Variants in ZWILCH observed in about 807,000 individuals in gnomAD.
ZWILCH encodes zwilch kinetochore protein, also known as protein zwilch homolog.
In ZWILCH, 74 loss-of-function variants were observed where a neutral mutation model predicts 79.9. That is an observed-to-expected ratio of 0.93 (90% CI 0.77 to 1.12). ZWILCH has a LOEUF of 1.12. Ranked by LOEUF, ZWILCH falls within the 50% of genes most tolerant of loss-of-function variation. ZWILCH has a pLI of 0.00. For missense variants in ZWILCH, 694 were observed against 687.5 expected, an observed-to-expected ratio of 1.01 and a Z score of -0.11; for synonymous variants, 241 against 228.2, an observed-to-expected ratio of 1.06 and a Z score of -0.51.
chr15:66,519,196 A>G, intron 5 of ZWILCH, 118 bp downstream of exon 5: 1 of 936,216 alleles, frequency 1.1e-6, no homozygotes, highest in Admixed American at 2.2e-5. Context: ...TAGAACTTGC[A>G]TTAATCACCA....
At chr15:66,541,803 T>A (rs11854004) in intron 17 of ZWILCH, among the ~76,000 whole-genome samples, 10,534 of 152,302 alleles carry the variant, frequency 0.069, 426 homozygotes, top group Middle Eastern at 0.11. Context: ...GTTTTCAGAC[T>A]GAATCTATTA....
intron 1 of ZWILCH, 63 bp downstream of exon 1, chr15:66,505,454 G>C: frequency 6.3e-7 from 1 of 1,592,076 alleles, no homozygotes; most frequent in Non-Finnish European, 8.6e-7. Context: ...TGGGTGTCTG[G>C]ATCCCCGCCC....
At chr15:66,505,544 C>A in intron 1 of ZWILCH, 153 bp downstream of exon 1, 1 of 834,898 alleles carries the variant, frequency 1.2e-6, no homozygotes, top group Non-Finnish European at 1.9e-6. Context: ...CGGTTCTCGG[C>A]TCCGGTGTGG....
rs1895376689 is a variant in ZWILCH, at chr15:66,546,573, C to G, written c.1688-18C>G. ...AGGGTGTTAAGCAATTCTGATCTCA[C>G]TCTCTTTTTGATTACAGATTTTTCG... On this transcript the variant is annotated intron_variant, in intron 17 of 18. Coordinates refer to ENST00000307897, the MANE Select transcript of ZWILCH (RefSeq NM_017975.5). The G allele has an allele frequency of 6.3e-7, 1 of 1,580,482 alleles. No individual in the cohort carries two copies.
chr15:66,545,005 G>T (rs1031030596), intron 17 of ZWILCH, among the ~76,000 whole-genome samples: 2 of 151,752 alleles, frequency 1.3e-5, no homozygotes, highest in Non-Finnish European at 2.9e-5. Flanking sequence ...GCCTCCCAAA[G>T]TGCTGGGATT....
intron 14 of ZWILCH, among the ~76,000 whole-genome samples, chr15:66,534,040 A>C (rs1894936402): frequency 6.6e-6 from 1 of 152,180 alleles, no homozygotes; most frequent in South Asian, 2.1e-4. Flanking sequence ...GGGGAAGTTG[A>C]AGCTGCAGTG....
chr15:66,505,525 GGGAGA>G, intron 1 of ZWILCH, 134 bp downstream of exon 1: 1 of 1,045,734 alleles, frequency 9.6e-7, no homozygotes, highest in Non-Finnish European at 1.4e-6. Flanking sequence ...CCAGGAGTTG[GGGAGA>G]GGCCGGTTCT....
In ZWILCH at chr15:66,515,775, C is replaced by A. The variant is rs528740522; in HGVS notation, c.320+131C>A. On this transcript the variant is annotated intron_variant, in intron 4 of 18. Transcript: ENST00000307897. Reference sequence around the variant, plus strand: ...TCTCCCCCACCCCCTGATAAGTATACCCAACTAAGGATAGTTCTACTTGAA... The same window carrying A: ...TCTCCCCCACCCCCTGATAAGTATAACCAACTAAGGATAGTTCTACTTGAA... 12 of 705,038 alleles carry A rather than the reference C, an allele frequency of 1.7e-5. No individual in the cohort carries two copies. The African/African-American group carries it at 1.8e-4, about 11-fold the overall frequency. The allele number at this position is 705,038 out of a possible 1,614,324, so 43.7% of individuals were successfully genotyped here.
chr15:66,544,683 T>G (rs889903928), intron 17 of ZWILCH, among the ~76,000 whole-genome samples: 5 of 145,240 alleles, frequency 3.4e-5, no homozygotes, highest in African/African-American at 1.2e-4. Flanking sequence ...GTGAAACATT[T>G]GTGAAAAAAA....
At chr15:66,538,614 C>G (rs1317836415) in intron 16 of ZWILCH, among the ~76,000 whole-genome samples, 2 of 152,138 alleles carry the variant, frequency 1.3e-5, no homozygotes, top group African/African-American at 4.8e-5. Context: ...AACTTCTGAC[C>G]TGGTGATCCG....
At position 66,546,572 on chromosome 15, in the gene ZWILCH, A is replaced by G; in HGVS notation, c.1688-19A>G. 1 of 1,574,718 alleles carries G rather than the reference A, an allele frequency of 6.4e-7. No homozygotes were observed. Among genetic ancestry groups the G allele is most frequent in the Non-Finnish European group, 8.7e-7 (1 of 1,150,900 alleles). The stretch of plus-strand genomic sequence containing the variant: ...CAGGGTGTTAAGCAATTCTGATCTC[A>G]CTCTCTTTTTGATTACAGATTTTTC... On this transcript the variant is annotated intron_variant, in intron 17 of 18. Transcript: ENST00000307897.
At position 66,531,174 on chromosome 15, in the gene ZWILCH, G is replaced by A. The variant is rs148812206; in HGVS notation, c.1156-1073G>A. Among the ~76,000 whole-genome samples the A allele has an allele frequency of 8.9e-4, 135 of 152,256 alleles. 1 individual carries two copies. Among genetic ancestry groups the A allele is most frequent in the African/African-American group, 2.9e-3 (119 of 41,544 alleles). On this transcript the variant is annotated intron_variant, in intron 12 of 18. Transcript: ENST00000307897. ...TTTTAATTTACAAATTATCAAGTTCGTATGTTGGATATTGTAGCCAATGAG... is the reference window on the plus strand; with the variant it reads ...TTTTAATTTACAAATTATCAAGTTCATATGTTGGATATTGTAGCCAATGAG...
In ZWILCH at chr15:66,520,661, G is replaced by GT; in HGVS notation, c.591+2dup. The GT allele has an allele frequency of 6.5e-7, 1 of 1,547,760 alleles. No individual in the cohort carries two copies. The highest frequency in any genetic ancestry group is 8.8e-7 in the Non-Finnish European group (1 of 1,130,014). On this transcript the variant is annotated splice_donor_variant, in intron 6 of 18. Coordinates refer to ENST00000307897, the MANE Select transcript of ZWILCH (RefSeq NM_017975.5). LOFTEE classifies it high-confidence loss of function. ...CAAGAAAAGACATCACTTGTCTACT[G>GT]TAAGTGTTTTGCTTCTACTCATATT...
At position 66,535,945 on chromosome 15, in the gene ZWILCH, G is replaced by T; in HGVS notation, c.1354G>T (p.Ala452Ser). ...TTTTTCATTCCAGGAATACTTCATTGCTCCATCAGTAGATATACAAGAACA... is the reference window on the plus strand; with the variant it reads ...TTTTTCATTCCAGGAATACTTCATTTCTCCATCAGTAGATATACAAGAACA... ...ASLNHLEYFI[A>S]PSVDIQEQVY... The change falls in exon 15 of 19, where the codon GCT becomes TCT. Residue 452 changes from alanine to serine, a missense_variant. Ala to Ser is a moderately conservative substitution (Grantham distance 99, BLOSUM62 1). Coordinates refer to ENST00000307897, the MANE Select transcript of ZWILCH (RefSeq NM_017975.5). 1 of 1,601,292 alleles carries T rather than the reference G, an allele frequency of 6.2e-7. No homozygotes were observed. The highest frequency in any genetic ancestry group is 1.1e-5 in the South Asian group (1 of 88,232).
intron 4 of ZWILCH, among the ~76,000 whole-genome samples, chr15:66,517,455 T>G (rs117513524): frequency 0.02 from 2,306 of 114,696 alleles, 128 homozygotes; most frequent in South Asian, 0.063. Context: ...TATATATATA[T>G]AGTAATGTAC....
intron 1 of ZWILCH, among the ~76,000 whole-genome samples, chr15:66,507,688 A>G (rs1271912513): frequency 3.9e-5 from 6 of 152,146 alleles, no homozygotes; most frequent in African/African-American, 1.4e-4. Context: ...ATCTAGCAGG[A>G]GTGACTGGCC....
intron 7 of ZWILCH, chr15:66,523,439 C>T: frequency 2.6e-6 from 1 of 378,656 alleles, no homozygotes; most frequent in South Asian, 7.7e-5. Flanking sequence ...CACATAGGTA[C>T]AATTGTTTAT....
rs752843945 is a variant in ZWILCH, at chr15:66,529,531, A to ATCC, written c.1114_1115insCCT (p.Thr371_Leu372insSer). The ATCC allele has an allele frequency of 4.1e-5, 66 of 1,613,950 alleles. No homozygotes were observed. The highest frequency in any genetic ancestry group is 5.3e-5 in the Non-Finnish European group (62 of 1,179,974). ...ACCAAGACTTGGTGAAGTGTTTCAC[A>ATCC]TTGATCATCCAGAGTCTACAACGTG... On this transcript the variant is annotated inframe_insertion, in exon 12 of 19. Coordinates refer to ENST00000307897, the MANE Select transcript of ZWILCH (RefSeq NM_017975.5).
At chr15:66,517,772 G>A (rs1167216053) in intron 4 of ZWILCH, among the ~76,000 whole-genome samples, 6 of 104,564 alleles carry the variant, frequency 5.7e-5, no homozygotes, top group South Asian at 6.9e-4. Context: ...TCACTCTGTC[G>A]CCCAGGCTGG....
Sources: allele counts gnomAD v4.1 joint callset (sites outside exome capture counted in the v4.1 genomes callset), GRCh38; gene constraint gnomAD v4.1.1; transcripts MANE v1.5; gene names NCBI Gene and HGNC (gene_info 2026-07-23, HGNC 2026-07-21).